The following WWOX variants were observed in gnomAD, a reference collection of about 807,000 sequenced individuals.
WWOX encodes WW domain-containing oxidoreductase.
In WWOX, 69 loss-of-function variants were observed where a neutral mutation model predicts 46.2. That is an observed-to-expected ratio of 1.49 (90% CI 1.23 to 1.82). The LOEUF (loss-of-function observed/expected upper bound fraction) is 1.82. WWOX is among the 40% of genes most tolerant of loss of function. The pLI is 0.00. For missense variants in WWOX, 919 were observed against 542.6 expected, an observed-to-expected ratio of 1.69 and a Z score of -6.89; for synonymous variants, 359 against 202.6, an observed-to-expected ratio of 1.77 and a Z score of -6.56.
At chr16:78,859,814 G>C (rs532062315) in intron 8 of WWOX, among the ~76,000 whole-genome samples, 23 of 143,098 alleles carry the variant, frequency 1.6e-4, no homozygotes, top group Non-Finnish European at 3.2e-4. Flanking sequence ...AAATGAAGAG[G>C]AAATTTAATG....
chr16:78,527,218 C>T (rs959803832), intron 8 of WWOX, among the ~76,000 whole-genome samples: 1 of 151,752 alleles, frequency 6.6e-6, no homozygotes, highest in Non-Finnish European at 1.5e-5. Flanking sequence ...AACCTAAGGA[C>T]GACTTTGAAT....
intron 8 of WWOX, among the ~76,000 whole-genome samples, chr16:79,007,602 T>C (rs1325900646): frequency 6.6e-6 from 1 of 152,230 alleles, no homozygotes; most frequent in African/African-American, 2.4e-5. Flanking sequence ...AAAGGGAATT[T>C]GCAGAAGCTA....
At chr16:78,922,839 T>A in intron 8 of WWOX, among the ~76,000 whole-genome samples, 1 of 152,198 alleles carries the variant, frequency 6.6e-6, no homozygotes, top group East Asian at 1.9e-4. Context: ...TGGGCACCAT[T>A]GCTAAGTAAT....
At chr16:79,121,301 G>C (rs1423248812) in intron 8 of WWOX, among the ~76,000 whole-genome samples, 1 of 152,178 alleles carries the variant, frequency 6.6e-6, no homozygotes, top group Admixed American at 6.5e-5. Context: ...CAGCATTTGT[G>C]AAAACTCGCT....
intron 5 of WWOX, among the ~76,000 whole-genome samples, chr16:78,303,833 C>T (rs1367614831): frequency 6.6e-6 from 1 of 152,188 alleles, no homozygotes; most frequent in Non-Finnish European, 1.5e-5. Context: ...GTGTGAGCCA[C>T]CGTGCCCGGC....
intron 8 of WWOX, among the ~76,000 whole-genome samples, chr16:78,632,870 T>G (rs1244068307): frequency 6.6e-6 from 1 of 151,920 alleles, no homozygotes; most frequent in Non-Finnish European, 1.5e-5. Flanking sequence ...CTTGGCCAAA[T>G]TCTTGCCTGA....
intron 8 of WWOX, among the ~76,000 whole-genome samples, chr16:78,759,737 C>G (rs1027747160): frequency 1.3e-5 from 2 of 152,150 alleles, no homozygotes; most frequent in Admixed American, 1.3e-4. Flanking sequence ...AAAGTTAGCA[C>G]AAATGCAGAG....
At chr16:78,232,290 AG>A (rs2037295097) in intron 5 of WWOX, among the ~76,000 whole-genome samples, 1 of 152,190 alleles carries the variant, frequency 6.6e-6, no homozygotes, top group African/African-American at 2.4e-5. Flanking sequence ...CAATTACAGC[AG>A]TAAGGATGGA....
intron 8 of WWOX, among the ~76,000 whole-genome samples, chr16:78,631,811 C>T (rs1402010525): frequency 1.3e-5 from 2 of 152,132 alleles, no homozygotes; most frequent in East Asian, 1.9e-4. Flanking sequence ...TAGGTGTGAA[C>T]CACCATACCC....
chr16:78,417,389 G>T (rs1356592938), intron 6 of WWOX, among the ~76,000 whole-genome samples: 1 of 152,056 alleles, frequency 6.6e-6, no homozygotes, highest in African/African-American at 2.4e-5. Flanking sequence ...CACCATATCT[G>T]GCCTATGTTA....
intron 8 of WWOX, among the ~76,000 whole-genome samples, chr16:78,778,145 C>G (rs1371533557): frequency 1.3e-5 from 2 of 151,962 alleles, no homozygotes; most frequent in Non-Finnish European, 2.9e-5. Flanking sequence ...TGGTGATGAT[C>G]CCCACCCCAA....
intron 8 of WWOX, among the ~76,000 whole-genome samples, chr16:78,934,322 A>C (rs1445139731): frequency 1.7e-5 from 2 of 117,830 alleles, no homozygotes; most frequent in Non-Finnish European, 3.5e-5. Context: ...TGGGCGACAG[A>C]GCAAGTCTCC....
chr16:79,042,728 G>GTTTTTTTTTTTTTTTTTTTTTTTTTT (rs11379084), intron 8 of WWOX, among the ~76,000 whole-genome samples: 1 of 143,126 alleles, frequency 7.0e-6, no homozygotes. Flanking sequence ...AATACTCAGG[G>GTTTTTTTTTTTTTTTTTTTTTTTTTT]TTTTTTTTTT....
chr16:78,873,682 T>G (rs950965038), intron 8 of WWOX, among the ~76,000 whole-genome samples: 2 of 152,040 alleles, frequency 1.3e-5, no homozygotes, highest in African/African-American at 4.8e-5. Context: ...CCCAGCTACT[T>G]GGGAGACTGA....
rs192587902 is a variant in WWOX at position 79,100,529 on chromosome 16, G to A, written c.1057-111079G>A. ...GTAGAACAAGACCTCTGAATACCCC[G>A]TTAGTTCCAGGCTGTGCTTTGATGG... On this transcript the variant is annotated intron_variant, in intron 8 of 8. Coordinates refer to ENST00000566780, the MANE Select transcript of WWOX (RefSeq NM_016373.4). 5.3e-5 allele frequency among the ~76,000 whole-genome samples: 8 copies of A among 152,204 alleles called. No individual in the cohort carries two copies. In the East Asian group the frequency reaches 5.8e-4, roughly 11 times the overall value.
intron 8 of WWOX, among the ~76,000 whole-genome samples, chr16:78,859,001 T>TAAAAAAAAAA (rs542176032): frequency 2.3e-5 from 1 of 44,330 alleles, no homozygotes; most frequent in African/African-American, 7.4e-5. Context: ...TTTTGAAATT[T>TAAAAAAAAAA]AAAAAAAAAA....
intron 8 of WWOX, among the ~76,000 whole-genome samples, chr16:78,875,182 A>C (rs1248240211): frequency 1.3e-5 from 2 of 152,166 alleles, no homozygotes; most frequent in African/African-American, 4.8e-5. Context: ...CATGAGATTA[A>C]GCCGCTGAAA....
chr16:79,103,199 T>C (rs554885135), intron 8 of WWOX, among the ~76,000 whole-genome samples: 3 of 152,334 alleles, frequency 2.0e-5, no homozygotes, highest in South Asian at 2.1e-4. Context: ...GCCAAGGCCT[T>C]GACCTATTGA....
intron 8 of WWOX, among the ~76,000 whole-genome samples, chr16:78,933,909 T>C (rs2045678244): frequency 6.6e-6 from 1 of 151,984 alleles, no homozygotes. Context: ...AACATAACTA[T>C]AGCTGGGTGA....
Sources: allele counts gnomAD v4.1 joint callset (sites outside exome capture counted in the v4.1 genomes callset), GRCh38; gene constraint gnomAD v4.1.1; transcripts MANE v1.5; gene names NCBI Gene and HGNC (gene_info 2026-07-23, HGNC 2026-07-21).